ZNF229: variants seen among roughly 807,000 people sequenced by gnomAD.
ZNF229 encodes the protein zinc finger protein 229.
A neutral mutation model predicts 11.8 loss-of-function variants in ZNF229; 10 were observed. The observed-to-expected ratio is 0.85, with a 90% CI of 0.52 to 1.44. The LOEUF is 1.44. ZNF229 is among the 40% of genes most tolerant of loss of function. The probability of loss-of-function intolerance (pLI) is 0.00; values close to 1 mark genes in which losing one functional copy is unlikely to be tolerated. For synonymous variants in ZNF229, 368 were observed against 374.8 expected (o/e 0.98, Z 0.21); for missense variants, 1,045 against 1,015.1 (o/e 1.03, Z -0.40).
At chr19:44,445,103 A>T (rs1971981172) in intron 2 of ZNF229, among the ~76,000 whole-genome samples, 1 of 152,224 alleles carries the variant, frequency 6.6e-6, no homozygotes, top group Non-Finnish European at 1.5e-5. Context: ...TGAAATGAAG[A>T]GGAAATATTC....
chr19:44,435,684 G>A (rs1186963358), intron 4 of ZNF229, among the ~76,000 whole-genome samples: 1 of 152,172 alleles, frequency 6.6e-6, no homozygotes, highest in East Asian at 1.9e-4. Context: ...GGTACTGTAT[G>A]CCATTCTTAT....
rs776531857 is a variant in ZNF229 at position 44,429,194 on chromosome 19, G to T, written c.1587C>A (p.Ser529Arg). 1 of 1,614,086 alleles carries T rather than the reference G, an allele frequency of 6.2e-7. No individual in the cohort carries two copies. Among genetic ancestry groups the T allele is most frequent in the African/African-American group, 1.3e-5 (1 of 74,944 alleles). The change falls in exon 6 of 6, where the codon AGC (serine) becomes AGA (arginine). Residue 529 changes from serine to arginine, a missense_variant. By Grantham distance (110) the Ser-to-Arg change is moderately radical. Coordinates refer to ENST00000614049, the MANE Select transcript of ZNF229 (RefSeq NM_014518.4). ...CNVCGKSFSY[S>R]SGLLMHQRLH... is the part of the protein sequence containing the mutation. ...GTCTCTGATGCATGAGAAGCCCTGA[G>T]CTGTAACTGAAACTCTTACCACACA...
At chr19:44,430,811 A>G in intron 5 of ZNF229, among the ~76,000 whole-genome samples, 1 of 152,182 alleles carries the variant, frequency 6.6e-6, no homozygotes, top group East Asian at 1.9e-4. Flanking sequence ...TTATAGAGAA[A>G]GTTCACTTCT....
At position 44,428,493 on chromosome 19, in the gene ZNF229, GT is replaced by G; in HGVS notation, c.2287del (p.Thr763LeufsTer57). ...CTCACATTTATAGGGTTTCTCACCA[GT>G]GTGGACCCTCTGATGACCTTGAAGA... ...SHLQGHQRVH[T>X]GEKPYKCEEC... is the part of the protein sequence containing the mutation. On this transcript the variant is annotated frameshift_variant, in exon 6 of 6. Transcript: ENST00000614049. LOFTEE classifies it low-confidence loss of function (END_TRUNC). 1 of 1,614,052 alleles carries G rather than the reference GT, an allele frequency of 6.2e-7. No individual in the cohort carries two copies. The highest frequency in any genetic ancestry group is 8.5e-7 in the Non-Finnish European group (1 of 1,180,014).
intron 4 of ZNF229, among the ~76,000 whole-genome samples, chr19:44,437,812 C>G (rs1971839850): frequency 6.6e-6 from 1 of 152,174 alleles, no homozygotes; most frequent in Admixed American, 6.5e-5. Context: ...ATCATATCCT[C>G]TGCAGCAACA....
Position 44,429,003 on chromosome 19 carries a change from A to AC in ZNF229, c.1777dup (p.Val593GlyfsTer11). On this transcript the variant is annotated frameshift_variant, in exon 6 of 6. Transcript: ENST00000614049. LOFTEE classifies it low-confidence loss of function (END_TRUNC). ...CACGTAGGGCCTCTCTCCCGTGTGG[A>AC]CCCTCTGGTGGCTGTGAAGGTCTGA... 1 of 1,611,868 alleles carries AC rather than the reference A, an allele frequency of 6.2e-7. No individual in the cohort carries two copies. The highest frequency in any genetic ancestry group is 1.4e-5 in the African/African-American group (1 of 74,064).
intron 2 of ZNF229, among the ~76,000 whole-genome samples, chr19:44,446,162 A>G (rs1972000670): frequency 6.6e-6 from 1 of 152,188 alleles, no homozygotes; most frequent in Admixed American, 6.5e-5. Flanking sequence ...AAGTAATGGG[A>G]ATAAGAGATA....
At chr19:44,444,142 C>G (rs1033533701) in intron 2 of ZNF229, among the ~76,000 whole-genome samples, 1 of 152,174 alleles carries the variant, frequency 6.6e-6, no homozygotes, top group East Asian at 1.9e-4. Context: ...GTGATGCACA[C>G]AGATTGAACA....
At position 44,429,163 on chromosome 19, in the gene ZNF229, T is replaced by C; in HGVS notation, c.1618A>G (p.Thr540Ala). 2 of 1,614,076 alleles carry C rather than the reference T, an allele frequency of 1.2e-6. No individual in the cohort carries two copies. Among genetic ancestry groups the C allele is most frequent in the African/African-American group, 1.3e-5 (1 of 74,972 alleles). The change falls in exon 6 of 6, where the codon ACA (threonine) becomes GCA (alanine). Residue 540 changes from threonine to alanine, a missense_variant. By Grantham distance (58) the Thr-to-Ala change is moderately conservative. Transcript: ENST00000614049. ...SGLLMHQRLHTGEKPYKCECG... is the reference protein window; with the variant it reads ...SGLLMHQRLHAGEKPYKCECG... The stretch of plus-strand genomic sequence containing the variant: ...TCGCATTTGTAGGGTTTCTCTCCTG[T>C]GTGCAGTCTCTGATGCATGAGAAGC...
intron 4 of ZNF229, among the ~76,000 whole-genome samples, chr19:44,441,580 G>A (rs546431488): frequency 1.3e-5 from 2 of 152,168 alleles, no homozygotes; most frequent in South Asian, 4.2e-4. Flanking sequence ...CTTGATAGCA[G>A]CTTAGAATCT....
chr19:44,442,966 C>A lies in ZNF229; in HGVS notation c.-119G>T. On this transcript the variant is annotated 5_prime_UTR_variant, in exon 3 of 6. Transcript: ENST00000614049. ...ATTCCGGAAACTCTCCAAGCTCTGA[C>A]AAGTTCCTGTCTCCACCTTTACTGT... The A allele has an allele frequency of 8.2e-7, 1 of 1,225,814 alleles. No individual in the cohort carries two copies. The highest frequency in any genetic ancestry group is 1.2e-6 in the Non-Finnish European group (1 of 841,278). The allele number at this position is 1,225,814 out of a possible 1,614,324, so 75.9% of individuals were successfully genotyped here.
At chr19:44,441,578 C>T (rs1805474500) in intron 4 of ZNF229, among the ~76,000 whole-genome samples, 1 of 151,964 alleles carries the variant, frequency 6.6e-6, no homozygotes, top group Admixed American at 6.6e-5. Context: ...CGCTTGATAG[C>T]AGCTTAGAAT....
rs988474183 is a variant in ZNF229 at position 44,427,049 on chromosome 19, G to T, written c.*1254C>A. On this transcript the variant is annotated 3_prime_UTR_variant, in exon 6 of 6. Transcript: ENST00000614049. ...TTCACAAGGGGACAGGAGAGAGACA[G>T]CGAGGAAGGGCTACACCTTAAAACC... 5 of 152,134 alleles carry T rather than the reference G, an allele frequency of 3.3e-5. No homozygotes were observed. The highest frequency in any genetic ancestry group is 1.2e-4 in the African/African-American group (5 of 41,376). 9.4% of individuals were successfully genotyped at this position (152,134 alleles called of 1,614,324 possible). A position where few individuals can be genotyped will look rare whatever the true frequency, so the allele number is the denominator to read the frequency against.
chr19:44,431,866 G>C (rs918632486), intron 5 of ZNF229: 1 of 952,018 alleles, frequency 1.1e-6, no homozygotes, highest in Admixed American at 5.9e-5. Flanking sequence ...TTAGGAGGTG[G>C]TGGGTCTTCC....
chr19:44,442,650 G>A, intron 3 of ZNF229, 29 bp from the exon 4 acceptor site: 2 of 1,613,480 alleles, frequency 1.2e-6, no homozygotes, highest in Non-Finnish European at 1.7e-6. Context: ...GCCATGAGGA[G>A]GAGTTGGTGC....
At chr19:44,440,309 AAAGG>A (rs940708767) in intron 4 of ZNF229, among the ~76,000 whole-genome samples, 18 of 152,150 alleles carry the variant, frequency 1.2e-4, no homozygotes, top group Non-Finnish European at 2.4e-4. Context: ...AAGAAAAAGA[AAAGG>A]AAGAAGGAAG....
rs1462194936 is a variant in ZNF229 at position 44,426,369 on chromosome 19, C to T, written c.*1934G>A. On this transcript the variant is annotated 3_prime_UTR_variant, in exon 6 of 6. Coordinates refer to ENST00000614049, the MANE Select transcript of ZNF229 (RefSeq NM_014518.4). ...AGATACTTTGTTACAAAGTAAAATA[C>T]ATAAAAGTACAACATATGTATTATA... The T allele has an allele frequency of 1.3e-5, 2 of 152,078 alleles. No individual in the cohort carries two copies. The highest frequency in any genetic ancestry group is 2.4e-5 in the African/African-American group (1 of 41,378). 9.4% of individuals were successfully genotyped at this position (152,078 alleles called of 1,614,324 possible). A position where few individuals can be genotyped will look rare whatever the true frequency, so the allele number is the denominator to read the frequency against.
At chr19:44,443,476 C>T (rs534189889) in intron 2 of ZNF229, among the ~76,000 whole-genome samples, 1 of 152,164 alleles carries the variant, frequency 6.6e-6, no homozygotes, top group East Asian at 1.9e-4. Flanking sequence ...TGTGCCATGG[C>T]CCCCCTTCAC....
At chr19:44,442,644 TGAG>T (rs1424927459) in intron 3 of ZNF229, 23 bp from the exon 4 acceptor site, 3 of 1,613,664 alleles carry the variant, frequency 1.9e-6, no homozygotes, top group African/African-American at 1.3e-5. Flanking sequence ...AAAGAGGCCA[TGAG>T]GAGGAGTTGG....
Sources: gnomAD v4.1 joint callset for allele counts (sites outside exome capture counted in the v4.1 genomes callset) on GRCh38, gnomAD v4.1.1 for gene constraint, MANE v1.5 for transcripts, NCBI Gene and HGNC (gene_info 2026-07-23, HGNC 2026-07-21) for gene names.